The following IMMP2L variants were observed in gnomAD, a reference collection of about 807,000 sequenced individuals.
The protein encoded by IMMP2L is mitochondrial inner membrane protease subunit 2.
In IMMP2L, 18 loss-of-function variants were observed where a neutral mutation model predicts 19.3. The ratio of observed to expected loss-of-function variants is 0.93; its 90% CI spans 0.64 to 1.38. The LOEUF (loss-of-function observed/expected upper bound fraction) is 1.38, where lower values mean the gene tolerates loss of function less well. Ranked by LOEUF, IMMP2L falls within the 40% of genes most tolerant of loss-of-function variation. The pLI is 0.00. For synonymous variants in IMMP2L, 76 were observed against 73.0 expected (o/e 1.04, Z -0.21); for missense variants, 233 against 218.2 (o/e 1.07, Z -0.43).
At chr7:111,046,985 T>A (rs1792461319) in intron 3 of IMMP2L, among the ~76,000 whole-genome samples, 1 of 152,030 alleles carries the variant, frequency 6.6e-6, no homozygotes, top group African/African-American at 2.4e-5. Context: ...CTAAAGCAGA[T>A]CTTGCTAAAG....
chr7:110,687,445 A>G (rs1360619857), intron 5 of IMMP2L, among the ~76,000 whole-genome samples: 2 of 152,070 alleles, frequency 1.3e-5, no homozygotes, highest in Non-Finnish European at 2.9e-5. Flanking sequence ...CATATTATCC[A>G]TAGTAGACAC....
intron 5 of IMMP2L, among the ~76,000 whole-genome samples, chr7:110,783,650 G>C (rs912488906): frequency 6.6e-6 from 1 of 151,878 alleles, no homozygotes; most frequent in African/African-American, 2.4e-5. Context: ...CTATATCAGG[G>C]TTCTGTGAAA....
At chr7:111,479,140 A>G (rs538525322) in intron 3 of IMMP2L, among the ~76,000 whole-genome samples, 2 of 152,150 alleles carry the variant, frequency 1.3e-5, no homozygotes, top group Admixed American at 6.5e-5. Context: ...GAAACTGCCA[A>G]AAGTTCTGCT....
At position 110,972,497 on chromosome 7, in the gene IMMP2L, A is replaced by AG. The variant is rs1269497815; in HGVS notation, c.240-8933dup. On this transcript the variant is annotated intron_variant, in intron 3 of 5. Coordinates refer to ENST00000405709, the MANE Select transcript of IMMP2L (RefSeq NM_032549.4). ...GGATAAACTACATGGAGCTATAGAG[A>AG]GGGGGGAAAGAGCTAGAGAAGAGGT... 5.9e-5 allele frequency among the ~76,000 whole-genome samples: 9 copies of AG among 152,070 alleles called. No homozygotes were observed. The South Asian group carries it at 1.9e-3, about 32-fold the overall frequency.
chr7:111,558,086 T>G (rs988029499), intron 1 of IMMP2L, among the ~76,000 whole-genome samples: 1 of 152,020 alleles, frequency 6.6e-6, no homozygotes, highest in African/African-American at 2.4e-5. Context: ...AAGTAGACAT[T>G]AAGAAGGTAA....
chr7:111,236,707 C>A (rs182438252), intron 3 of IMMP2L, among the ~76,000 whole-genome samples: 179 of 152,172 alleles, frequency 1.2e-3, no homozygotes, highest in Non-Finnish European at 2.0e-3. Flanking sequence ...CTGGACTTCC[C>A]CAGACTCCCA....
At chr7:111,533,975 A>C (rs1847638518) in intron 1 of IMMP2L, among the ~76,000 whole-genome samples, 3 of 152,140 alleles carry the variant, frequency 2.0e-5, no homozygotes, top group African/African-American at 7.2e-5. Flanking sequence ...GAAAAAAGAC[A>C]ATAATTTTGA....
At chr7:111,283,982 A>G (rs1029473576) in intron 3 of IMMP2L, among the ~76,000 whole-genome samples, 1 of 150,848 alleles carries the variant, frequency 6.6e-6, no homozygotes. Flanking sequence ...AAAAAAAAAA[A>G]AAAAAAAAAA....
At chr7:111,190,765 A>G (rs1400412648) in intron 3 of IMMP2L, among the ~76,000 whole-genome samples, 2 of 152,166 alleles carry the variant, frequency 1.3e-5, no homozygotes, top group Non-Finnish European at 2.9e-5. Flanking sequence ...AGGATTATCA[A>G]TATGTATGTA....
chr7:111,360,455 T>A (rs568848592), intron 3 of IMMP2L, among the ~76,000 whole-genome samples: 16 of 152,210 alleles, frequency 1.1e-4, no homozygotes, highest in African/African-American at 3.9e-4. Context: ...ACACAACATA[T>A]TGAATGCAAA....
intron 3 of IMMP2L, among the ~76,000 whole-genome samples, chr7:111,413,273 C>A (rs1373708396): frequency 1.3e-5 from 2 of 152,048 alleles, no homozygotes; most frequent in Non-Finnish European, 2.9e-5. Flanking sequence ...CTGGTCAATT[C>A]TATCAAATAT....
At chr7:111,037,865 T>G (rs1791500920) in intron 3 of IMMP2L, among the ~76,000 whole-genome samples, 1 of 152,110 alleles carries the variant, frequency 6.6e-6, no homozygotes, top group African/African-American at 2.4e-5. Flanking sequence ...GAAGAGATGG[T>G]AAAGTTCACA....
chr7:110,771,066 T>G (rs949134694), intron 5 of IMMP2L, among the ~76,000 whole-genome samples: 2 of 152,032 alleles, frequency 1.3e-5, no homozygotes, highest in Non-Finnish European at 2.9e-5. Context: ...GGGAAGACAA[T>G]GATGGCAATG....
intron 4 of IMMP2L, among the ~76,000 whole-genome samples, chr7:110,895,990 T>TA (rs1321613484): frequency 3.3e-5 from 5 of 151,752 alleles, no homozygotes; most frequent in Non-Finnish European, 5.9e-5. Flanking sequence ...CCCCGCTAAT[T>TA]AAAAAAAATG....
chr7:110,794,704 T>G (rs1584853770), intron 5 of IMMP2L, among the ~76,000 whole-genome samples: 1 of 152,138 alleles, frequency 6.6e-6, no homozygotes, highest in East Asian at 1.9e-4. Flanking sequence ...CCAGGTTTAC[T>G]TAGAAGAAAA....
rs1181017125 is a variant in IMMP2L, at chr7:110,712,061, G to T, written c.409-48340C>A. Reference sequence around the variant, plus strand: ...TGTTCTGTTGCTGGTGAGGAACTGCGTTCCTTTGGAGGAGGAGAGGCGCTC... The same window carrying T: ...TGTTCTGTTGCTGGTGAGGAACTGCTTTCCTTTGGAGGAGGAGAGGCGCTC... On this transcript the variant is annotated intron_variant, in intron 5 of 5. Coordinates refer to ENST00000405709, the MANE Select transcript of IMMP2L (RefSeq NM_032549.4). 3.1e-3 allele frequency among the ~76,000 whole-genome samples: 133 copies of T among 43,286 alleles called. 47 individuals are homozygous for T. The South Asian group carries it at 0.049, about 16-fold the overall frequency. The allele number at this position is 43,286 out of a possible 152,430, so 28.4% of individuals were successfully genotyped here.
chr7:110,843,177 C>G (rs1194336933), intron 5 of IMMP2L, among the ~76,000 whole-genome samples: 1 of 152,074 alleles, frequency 6.6e-6, no homozygotes, highest in Non-Finnish European at 1.5e-5. Flanking sequence ...TGAATTTATT[C>G]CAAGCCTTAT....
chr7:111,138,763 C>G (rs1802587826), intron 3 of IMMP2L, among the ~76,000 whole-genome samples: 1 of 152,020 alleles, frequency 6.6e-6, no homozygotes, highest in South Asian at 2.1e-4. Context: ...TTCTCATGAA[C>G]CTGAAAAGAT....
chr7:111,293,727 T>G (rs1821352031), intron 3 of IMMP2L, among the ~76,000 whole-genome samples: 1 of 151,936 alleles, frequency 6.6e-6, no homozygotes, highest in Non-Finnish European at 1.5e-5. Context: ...ACATGCAATT[T>G]CTTCCATACA....
Sources: gnomAD v4.1 joint callset for allele counts (sites outside exome capture counted in the v4.1 genomes callset) on GRCh38, gnomAD v4.1.1 for gene constraint, MANE v1.5 for transcripts, NCBI Gene and HGNC (gene_info 2026-07-23, HGNC 2026-07-21) for gene names.